Variants in ZNF676 observed in about 807,000 individuals in gnomAD.
ZNF676 encodes zinc finger protein 676.
ZNF676 carries 4 observed loss-of-function variants against 6.0 expected under a neutral mutation model. The ratio of observed to expected loss-of-function variants is 0.67; its 90% CI spans 0.33 to 1.53. ZNF676 has a LOEUF of 1.53. ZNF676 is among the 40% of genes most tolerant of loss of function. The pLI, the probability that ZNF676 is intolerant of heterozygous loss-of-function variation, is 0.06. For missense variants in ZNF676, 644 were observed against 679.7 expected, an observed-to-expected ratio of 0.95 and a Z score of 0.58; for synonymous variants, 198 against 223.1, an observed-to-expected ratio of 0.89 and a Z score of 1.00.
At chr19:22,190,636 T>TATATAC (rs2023890446) in intron 2 of ZNF676, among the ~76,000 whole-genome samples, 1 of 110,684 alleles carries the variant, frequency 9.0e-6, no homozygotes. Flanking sequence ...GCAACATATA[T>TATATAC]ATATATATAT....
At chr19:22,201,991 G>T (rs1333683380) in intron 1 of ZNF676, among the ~76,000 whole-genome samples, 1 of 152,062 alleles carries the variant, frequency 6.6e-6, no homozygotes, top group Non-Finnish European at 1.5e-5. Flanking sequence ...CATTTTAATG[G>T]CTCTCTGACT....
chr19:22,249,096 A>G, the ZNF676 span, among the ~76,000 whole-genome samples: 3 of 152,196 alleles, frequency 2.0e-5, no homozygotes, highest in Non-Finnish European at 4.4e-5. Context: ...GCTTAAGTCT[A>G]ATTTTTTTTC....
At chr19:22,205,996 G>A (rs1320582384) in intron 1 of ZNF676, among the ~76,000 whole-genome samples, 1 of 149,230 alleles carries the variant, frequency 6.7e-6, no homozygotes, top group Non-Finnish European at 1.5e-5. Flanking sequence ...AGTCTGCTAT[G>A]CACATAAAAA....
the ZNF676 span, among the ~76,000 whole-genome samples, chr19:22,250,715 CTT>C: frequency 8.6e-5 from 12 of 139,796 alleles, no homozygotes; most frequent in Admixed American, 7.2e-5. Context: ...AATGTCATTT[CTT>C]TTTTTTTTTT....
the ZNF676 span, among the ~76,000 whole-genome samples, chr19:22,226,023 A>G: frequency 6.6e-6 from 1 of 151,920 alleles, no homozygotes; most frequent in Non-Finnish European, 1.5e-5. Context: ...GGCCAATGTC[A>G]TGTCTTTTCT....
At chr19:22,217,296 A>G (rs1456806607), upstream of ZNF676, among the ~76,000 whole-genome samples, 2 of 151,988 alleles carry the variant, frequency 1.3e-5, no homozygotes, top group Non-Finnish European at 2.9e-5. Flanking sequence ...TCTGCCTCCC[A>G]GGTTCAAGCG....
chr19:22,250,386 T>A, the ZNF676 span, among the ~76,000 whole-genome samples: 2 of 152,144 alleles, frequency 1.3e-5, no homozygotes, highest in Non-Finnish European at 2.9e-5. Context: ...AAGGAAAGGT[T>A]TTTGCCTTTT....
At chr19:22,211,921 AG>A (rs1403621702) in intron 1 of ZNF676, among the ~76,000 whole-genome samples, 4 of 152,148 alleles carry the variant, frequency 2.6e-5, no homozygotes, top group African/African-American at 9.7e-5. Context: ...ACCTGAGGGC[AG>A]GGCGCAGTGG....
At chr19:22,241,313 A>C in the ZNF676 span, among the ~76,000 whole-genome samples, 1 of 151,912 alleles carries the variant, frequency 6.6e-6, no homozygotes, top group African/African-American at 2.4e-5. Flanking sequence ...AAGTACCTGC[A>C]TCACAATTTC....
upstream of ZNF676, among the ~76,000 whole-genome samples, chr19:22,216,012 CTA>C (rs1225321432): frequency 6.6e-6 from 1 of 152,248 alleles, no homozygotes; most frequent in Non-Finnish European, 1.5e-5. Flanking sequence ...TGGGAAAATT[CTA>C]TCTCTTCTTT....
rs115951008 is a variant in ZNF676 at position 22,181,229 on chromosome 19, T to G, written c.488A>C (p.Tyr163Ser). Residue 163 changes from tyrosine (Y) to serine (S), a missense_variant, in exon 3 of 3, where the codon TAT becomes TCT. Transcript: ENST00000397121. ...LSHLSQHERI[Y>S]TRENSYKCEE... is the part of the protein sequence containing the mutation. ...ACATTTGTAGGAATTCTCTCTAGTA[T>G]AAATTCTTTCATGTTGAGATAGGTG... 6.2e-7 allele frequency: 1 copy of G among 1,613,842 alleles called. No individual in the cohort carries two copies. Among genetic ancestry groups the G allele is most frequent in the Non-Finnish European group, 8.5e-7 (1 of 1,179,864 alleles).
the ZNF676 span, among the ~76,000 whole-genome samples, chr19:22,241,143 A>C: frequency 1.3e-4 from 19 of 151,936 alleles, no homozygotes; most frequent in African/African-American, 2.9e-4. Flanking sequence ...CATAATCCCT[A>C]CTGGGGGCTG....
the ZNF676 span, among the ~76,000 whole-genome samples, chr19:22,233,870 T>C: frequency 6.6e-6 from 1 of 152,230 alleles, no homozygotes; most frequent in Non-Finnish European, 1.5e-5. Flanking sequence ...AATCCTCCTC[T>C]GCTGAGGTCA....
chr19:22,218,295 A>G (rs111684505), upstream of ZNF676, among the ~76,000 whole-genome samples: 33,934 of 151,866 alleles, frequency 0.22, 4,427 homozygotes, highest in South Asian at 0.43. Context: ...ATCCATCTTG[A>G]GTTGATTTTT....
intron 2 of ZNF676, among the ~76,000 whole-genome samples, chr19:22,191,892 T>C (rs1467312156): frequency 6.6e-6 from 1 of 152,174 alleles, no homozygotes; most frequent in Non-Finnish European, 1.5e-5. Context: ...TAAGAGGTGT[T>C]TACTCCTTCA....
At chr19:22,192,908 C>A in intron 2 of ZNF676, 108 bp downstream of exon 2, 1 of 1,223,914 alleles carries the variant, frequency 8.2e-7, no homozygotes, top group Non-Finnish European at 1.1e-6. Context: ...AATTAGCTTT[C>A]CAGAAACAAC....
chr19:22,185,303 C>T (rs2023821158), intron 2 of ZNF676, among the ~76,000 whole-genome samples: 1 of 152,102 alleles, frequency 6.6e-6, no homozygotes, highest in Admixed American at 6.5e-5. Flanking sequence ...AACTAACAAA[C>T]AGAAAGGAAT....
At chr19:22,254,599 C>T in the ZNF676 span, among the ~76,000 whole-genome samples, 4 of 152,260 alleles carry the variant, frequency 2.6e-5, no homozygotes, top group Admixed American at 6.5e-5. Flanking sequence ...AGAAGAGTCA[C>T]ATCACCTAGG....
upstream of ZNF676, among the ~76,000 whole-genome samples, chr19:22,198,579 T>C (rs2023994963): frequency 6.6e-6 from 1 of 152,134 alleles, no homozygotes; most frequent in Admixed American, 6.6e-5. Context: ...GATAAAATTT[T>C]CTAGACAAAT....
Sources: allele counts gnomAD v4.1 joint callset (sites outside exome capture counted in the v4.1 genomes callset), GRCh38; gene constraint gnomAD v4.1.1; transcripts MANE v1.5; gene names NCBI Gene and HGNC (gene_info 2026-07-23, HGNC 2026-07-21).